The following HHAT variants were observed in gnomAD, a reference collection of about 807,000 sequenced individuals.
The protein encoded by HHAT is protein-cysteine N-palmitoyltransferase HHAT.
A neutral mutation model predicts 70.8 loss-of-function variants in HHAT; 47 were observed. The ratio of observed to expected loss-of-function variants is 0.66; its 90% CI spans 0.53 to 0.85. HHAT has a LOEUF of 0.85. Ranked by LOEUF, HHAT falls within the 40% of genes least tolerant of loss-of-function variation. The pLI is 0.00. For missense variants in HHAT, 609 were observed against 604.8 expected (o/e 1.01, Z -0.07); for synonymous variants, 228 against 247.6 (o/e 0.92, Z 0.74).
chr1:210,559,662 G>A (rs916262425), intron 9 of HHAT, among the ~76,000 whole-genome samples: 4 of 152,150 alleles, frequency 2.6e-5, no homozygotes, highest in African/African-American at 9.7e-5. Flanking sequence ...GAGACCATAG[G>A]TCAGAGACAG....
chr1:210,545,321 G>T (rs1294029225), intron 9 of HHAT, among the ~76,000 whole-genome samples: 2 of 151,978 alleles, frequency 1.3e-5, no homozygotes, highest in African/African-American at 4.8e-5. Flanking sequence ...ATTTTCTCTT[G>T]CTGCCACAAG....
upstream of HHAT, among the ~76,000 whole-genome samples, chr1:210,327,850 T>C (rs539472001): frequency 6.6e-6 from 1 of 152,324 alleles, no homozygotes; most frequent in Non-Finnish European, 1.5e-5. Context: ...ATTTGCTAAA[T>C]CTGGCACTCC....
At chr1:210,532,008 A>C (rs75915746) in intron 9 of HHAT, among the ~76,000 whole-genome samples, 2 of 152,242 alleles carry the variant, frequency 1.3e-5, no homozygotes, top group Admixed American at 6.5e-5. Flanking sequence ...TGGACTAGAA[A>C]GAAAGAGCAG....
intron 9 of HHAT, among the ~76,000 whole-genome samples, chr1:210,544,370 T>G (rs58952068): frequency 3.2e-5 from 2 of 63,318 alleles, no homozygotes; most frequent in Non-Finnish European, 4.6e-5. Context: ...TTCTTTCGTT[T>G]TTTTTTTTTT....
intron 10 of HHAT, chr1:210,589,486 C>T (rs748553233): frequency 6.6e-6 from 1 of 152,228 alleles, no homozygotes; most frequent in African/African-American, 2.4e-5. Flanking sequence ...TCTTCATCCT[C>T]AAATCTGAGC....
At chr1:210,624,470 A>AGGAATTTGCCCTAGAAGCTTCCTTGT (rs1276847645) in intron 11 of HHAT, among the ~76,000 whole-genome samples, 41 of 152,192 alleles carry the variant, frequency 2.7e-4, no homozygotes, top group Non-Finnish European at 4.3e-4. Context: ...ACGTCCTACT[A>AGGAATTTGCCCTAGAAGCTTCCTTGT]GGAATTTGCC....
At chr1:210,397,891 T>A (rs945836375) in intron 4 of HHAT, among the ~76,000 whole-genome samples, 3 of 152,250 alleles carry the variant, frequency 2.0e-5, no homozygotes, top group Non-Finnish European at 1.5e-5. Flanking sequence ...GTTGGGCAGC[T>A]GTGCCCTAAG....
At chr1:210,672,762 AAAAG>A (rs1411238684) in intron 11 of HHAT, among the ~76,000 whole-genome samples, 2 of 152,226 alleles carry the variant, frequency 1.3e-5, no homozygotes, top group Admixed American at 6.5e-5. Context: ...AAAAAGAAGA[AAAAG>A]AAAAGAACAT....
intron 10 of HHAT, among the ~76,000 whole-genome samples, chr1:210,607,637 T>G (rs1420937679): frequency 6.6e-6 from 1 of 152,140 alleles, no homozygotes. Flanking sequence ...CGACAGACTT[T>G]CATCTTCCCA....
At chr1:210,546,453 C>T (rs990918046) in intron 9 of HHAT, among the ~76,000 whole-genome samples, 1 of 152,156 alleles carries the variant, frequency 6.6e-6, no homozygotes, top group African/African-American at 2.4e-5. Flanking sequence ...GAGGAAGCAG[C>T]TGGCACAGAG....
chr1:210,590,710 T>C (rs1379464499), intron 10 of HHAT, among the ~76,000 whole-genome samples: 1 of 152,056 alleles, frequency 6.6e-6, no homozygotes, highest in Middle Eastern at 3.2e-3. Context: ...CTTTATTCAG[T>C]CTACTGATTC....
intron 9 of HHAT, among the ~76,000 whole-genome samples, chr1:210,569,102 A>G (rs143614926): frequency 0.06 from 9,100 of 152,124 alleles, 870 homozygotes; most frequent in African/African-American, 0.2. Context: ...GGCCGGGCAC[A>G]ATGGCTCATG....
chr1:210,401,707 TTA>T lies in HHAT; in HGVS notation c.468+1047_468+1048del, dbSNP rs1392511361. Reference sequence around the variant, plus strand: ...GTCACAATAACAGTGCATTTTTACTTTATGAGTGCACATCAGACTTGACCCAG... The same window carrying T: ...GTCACAATAACAGTGCATTTTTACTTTGAGTGCACATCAGACTTGACCCAG... On this transcript the variant is annotated intron_variant, in intron 5 of 11. Transcript: ENST00000261458. Among the ~76,000 whole-genome samples, 4 of 152,340 alleles carry T rather than the reference TTA, an allele frequency of 2.6e-5. No individual in the cohort carries two copies. In the East Asian group the frequency reaches 7.7e-4, roughly 29 times the overall value.
At chr1:210,637,661 A>G (rs568959076) in intron 11 of HHAT, among the ~76,000 whole-genome samples, 5 of 152,306 alleles carry the variant, frequency 3.3e-5, no homozygotes, top group Non-Finnish European at 4.4e-5. Context: ...AGAGATCGAG[A>G]CCATCCTGGC....
At chr1:210,508,843 A>G (rs959192294) in intron 8 of HHAT, among the ~76,000 whole-genome samples, 12 of 152,244 alleles carry the variant, frequency 7.9e-5, no homozygotes, top group African/African-American at 2.7e-4. Flanking sequence ...AAAAACATGA[A>G]CTTGTTTGCT....
Position 210,569,782 on chromosome 1 carries a change from C to T in HHAT, c.1044-18116C>T, listed in dbSNP as rs187511641. Among the ~76,000 whole-genome samples the T allele has an allele frequency of 1.9e-3, 294 of 152,264 alleles. 2 individuals are homozygous for T. The highest frequency in any genetic ancestry group is 2.2e-3 in the Non-Finnish European group (148 of 68,024). ...CCCCTCAGAATCAACCCCTTCATCC[C>T]CCAGCACATGCAAGTTGCCTGTAGC... On this transcript the variant is annotated intron_variant, in intron 9 of 11. Transcript: ENST00000261458.
intron 7 of HHAT, among the ~76,000 whole-genome samples, chr1:210,460,692 A>G (rs1008107786): frequency 2.6e-5 from 4 of 152,220 alleles, no homozygotes; most frequent in Admixed American, 2.6e-4. Flanking sequence ...AGATGAGACC[A>G]TATTTGAGCT....
chr1:210,593,598 A>G (rs754106254), intron 10 of HHAT, among the ~76,000 whole-genome samples: 70 of 152,312 alleles, frequency 4.6e-4, no homozygotes, highest in Non-Finnish European at 4.3e-4. Flanking sequence ...CATATGGTCT[A>G]TCCTTGATAA....
At chr1:210,469,138 T>C (rs2094156677) in intron 8 of HHAT, among the ~76,000 whole-genome samples, 1 of 152,078 alleles carries the variant, frequency 6.6e-6, no homozygotes. Flanking sequence ...AGGGAGGAAG[T>C]GAGCAGTGAT....
Sources: allele counts gnomAD v4.1 joint callset (sites outside exome capture counted in the v4.1 genomes callset), GRCh38; gene constraint gnomAD v4.1.1; transcripts MANE v1.5; gene names NCBI Gene and HGNC (gene_info 2026-07-23, HGNC 2026-07-21).